WWP2: variants seen among roughly 807,000 people sequenced by gnomAD.
The protein encoded by WWP2 is WW domain containing E3 ubiquitin protein ligase 2, also known as NEDD4-like E3 ubiquitin-protein ligase WWP2.
A neutral mutation model predicts 121.0 loss-of-function variants in WWP2; 57 were observed. The observed-to-expected ratio is 0.47, with a 90% CI of 0.38 to 0.59. The LOEUF (loss-of-function observed/expected upper bound fraction) is 0.59, where lower values mean the gene tolerates loss of function less well. Ranked by LOEUF, WWP2 falls within the 20% of genes least tolerant of loss-of-function variation. The pLI, the probability that WWP2 is intolerant of heterozygous loss-of-function variation, is 0.00. For missense variants in WWP2, 962 were observed against 1,158.9 expected, an observed-to-expected ratio of 0.83 and a Z score of 2.47; for synonymous variants, 449 against 441.3, an observed-to-expected ratio of 1.02 and a Z score of -0.22.
chr16:69,812,125 A>G (rs775364475), intron 4 of WWP2, among the ~76,000 whole-genome samples: 8 of 145,594 alleles, frequency 5.5e-5, no homozygotes, highest in Non-Finnish European at 1.2e-4. Context: ...TATGTCTTTC[A>G]TGACATTGGC....
chr16:69,903,310 T>C (rs1421615344), intron 8 of WWP2, among the ~76,000 whole-genome samples: 2 of 152,200 alleles, frequency 1.3e-5, no homozygotes, highest in Non-Finnish European at 2.9e-5. Flanking sequence ...ACTGTGTCAA[T>C]TACAGACATT....
intron 2 of WWP2, among the ~76,000 whole-genome samples, chr16:69,790,612 G>A (rs964093907): frequency 6.6e-6 from 1 of 152,094 alleles, no homozygotes; most frequent in East Asian, 1.9e-4. Flanking sequence ...GTCTCACTCT[G>A]TCACCCAGGC....
intron 2 of WWP2, 95 bp downstream of exon 2, chr16:69,787,175 A>C: frequency 3.4e-6 from 3 of 889,578 alleles, no homozygotes; most frequent in Non-Finnish European, 5.2e-6. Flanking sequence ...ATTTTGTGAA[A>C]TAGTTTACAT....
At chr16:69,805,719 T>C (rs1186212668) in intron 4 of WWP2, among the ~76,000 whole-genome samples, 2 of 151,764 alleles carry the variant, frequency 1.3e-5, no homozygotes, top group Non-Finnish European at 2.9e-5. Context: ...CAAGCAATCC[T>C]CCCATCTCAG....
At chr16:69,780,833 A>C (rs952353849) in intron 1 of WWP2, among the ~76,000 whole-genome samples, 25 of 152,130 alleles carry the variant, frequency 1.6e-4, no homozygotes, top group African/African-American at 6.0e-4. Flanking sequence ...GTGAGATCCT[A>C]TCTCTACAAA....
chr16:69,899,584 G>A (rs1457767319), intron 8 of WWP2, among the ~76,000 whole-genome samples: 2 of 152,000 alleles, frequency 1.3e-5, no homozygotes, highest in African/African-American at 4.8e-5. Flanking sequence ...ACAAAAATTA[G>A]CCAGGTGTAT....
In WWP2 at chr16:69,799,152, G is replaced by T. The variant is rs752977876; in HGVS notation, c.219-22G>T. The T allele has an allele frequency of 6.2e-7, 1 of 1,605,644 alleles. No individual in the cohort carries two copies. Among genetic ancestry groups the T allele is most frequent in the East Asian group, 2.2e-5 (1 of 44,806 alleles). On this transcript the variant is annotated intron_variant, in intron 3 of 23. Transcript: ENST00000359154. This position sits in a 1 kb window ranked among gnomAD's most constrained non-coding sequence, Gnocchi z 4.5. The stretch of plus-strand genomic sequence containing the variant: ...TAGGAATGATCTGCTTGGATGTAAT[G>T]AATCAGGTATTTGTTTTTCAGGAAT...
chr16:69,822,383 ATCCCTGTCC>A (rs2056608753), intron 4 of WWP2, among the ~76,000 whole-genome samples: 1 of 152,228 alleles, frequency 6.6e-6, no homozygotes, highest in Non-Finnish European at 1.5e-5. Flanking sequence ...AGCAGACAGC[ATCCCTGTCC>A]TCCTGGAATT....
At chr16:69,830,621 G>A (rs2056777304) in intron 4 of WWP2, among the ~76,000 whole-genome samples, 1 of 152,182 alleles carries the variant, frequency 6.6e-6, no homozygotes, top group Admixed American at 6.5e-5. Flanking sequence ...CCCTGCCAGA[G>A]TGTGAGTGTT....
chr16:69,891,146 AG>A (rs2058020129), intron 8 of WWP2, among the ~76,000 whole-genome samples: 1 of 152,156 alleles, frequency 6.6e-6, no homozygotes, highest in Non-Finnish European at 1.5e-5. Context: ...GGAGCATGGC[AG>A]GCTTTTGGTT....
At chr16:69,852,475 T>C (rs528446470) in intron 6 of WWP2, among the ~76,000 whole-genome samples, 1 of 152,326 alleles carries the variant, frequency 6.6e-6, no homozygotes, top group East Asian at 1.9e-4. Flanking sequence ...GGTTTCACCA[T>C]GTTGGCCAGG....
chr16:69,781,248 G>T (rs2055657969), intron 1 of WWP2, among the ~76,000 whole-genome samples: 1 of 152,088 alleles, frequency 6.6e-6, no homozygotes, highest in African/African-American at 2.4e-5. Context: ...ATACTGGGGA[G>T]CAGGAAGTGG....
intron 6 of WWP2, among the ~76,000 whole-genome samples, chr16:69,870,540 A>G (rs1420359538): frequency 2.6e-5 from 4 of 152,112 alleles, no homozygotes; most frequent in African/African-American, 9.7e-5. Flanking sequence ...GGCTCAAGTG[A>G]TCCTCCCGCC....
chr16:69,796,012 T>C (rs2056033407), intron 2 of WWP2, among the ~76,000 whole-genome samples: 1 of 151,696 alleles, frequency 6.6e-6, no homozygotes, highest in African/African-American at 2.4e-5. Flanking sequence ...ACAAATTTTT[T>C]TTTCTTTCTT....
At chr16:69,922,617 G>C (rs2058579720) in intron 10 of WWP2, among the ~76,000 whole-genome samples, 1 of 152,200 alleles carries the variant, frequency 6.6e-6, no homozygotes, top group African/African-American at 2.4e-5. Flanking sequence ...GGGGAATGTG[G>C]TAGAAGAGGA....
chr16:69,762,439 G>C (rs1454987459), intron 1 of WWP2, 48 bp downstream of exon 1: 3 of 147,610 alleles, frequency 2.0e-5, no homozygotes, highest in African/African-American at 7.3e-5. Context: ...TGCCTGCACG[G>C]GGCGGGCCGG....
chr16:69,847,277 G>A (rs538216534), intron 6 of WWP2, among the ~76,000 whole-genome samples: 1 of 151,668 alleles, frequency 6.6e-6, no homozygotes, highest in Non-Finnish European at 1.5e-5. Flanking sequence ...TAGAGACGGG[G>A]TTTCACCATA....
rs1481111754 is a variant in WWP2, at chr16:69,799,276, G to A, written c.321G>A (p.Leu107=). 3.1e-6 allele frequency: 5 copies of A among 1,614,004 alleles called. No individual in the cohort carries two copies. The highest frequency in any genetic ancestry group is 2.2e-5 in the South Asian group (2 of 91,064). ...CATCTGTCAACCTCTCCAACGTCTT[G>A]AAGAACAATGGGGGCAAAAGTACGT... is the stretch of plus-strand genomic sequence containing the variant. ...GTASVNLSNV[L]KNNGGKMENM... The change falls in exon 4 of 24, where the codon TTG becomes TTA. Residue 107 remains leucine (L), a synonymous_variant. Coordinates refer to ENST00000359154, the MANE Select transcript of WWP2 (RefSeq NM_001270454.2). The surrounding 1 kb of genome is among the most constrained non-coding windows in gnomAD (Gnocchi z 4.5).
intron 9 of WWP2, among the ~76,000 whole-genome samples, chr16:69,915,885 A>T (rs1208706849): frequency 1.3e-5 from 2 of 151,862 alleles, no homozygotes; most frequent in African/African-American, 4.8e-5. Flanking sequence ...AATTTTTTTA[A>T]AAAATTAGTT....
Sources: allele counts gnomAD v4.1 joint callset (sites outside exome capture counted in the v4.1 genomes callset), GRCh38; gene constraint gnomAD v4.1.1; non-coding constraint Gnocchi (gnomAD v3.1); transcripts MANE v1.5; gene names NCBI Gene and HGNC (gene_info 2026-07-23, HGNC 2026-07-21).